Variants in DNASE1 observed in about 807,000 individuals in gnomAD.
DNASE1 encodes deoxyribonuclease 1, also known as deoxyribonuclease-1.
In DNASE1, 40 loss-of-function variants were observed where a neutral mutation model predicts 33.9. The ratio of observed to expected loss-of-function variants is 1.18; its 90% CI spans 0.92 to 1.54. DNASE1 has a LOEUF of 1.54. Ranked by LOEUF, DNASE1 falls within the 40% of genes most tolerant of loss-of-function variation. The pLI is 0.00. For missense variants in DNASE1, 518 were observed against 372.6 expected (o/e 1.39, Z -3.21); for synonymous variants, 216 against 160.0 (o/e 1.35, Z -2.64).
At chr16:3,646,042 C>T (rs1596618245) in intron 1 of DNASE1, among the ~76,000 whole-genome samples, 1 of 151,948 alleles carries the variant, frequency 6.6e-6, no homozygotes, top group East Asian at 1.9e-4. Context: ...GAAAGAACCC[C>T]GAGTAGAGCC....
upstream of DNASE1, chr16:3,654,232 CCTA>C (rs1429754943): frequency 2.5e-6 from 1 of 397,568 alleles, no homozygotes; most frequent in Non-Finnish European, 4.4e-6. Context: ...AAACACACAG[CCTA>C]TTGTCTACCT....
At chr16:3,643,199 C>T (rs977682148) in intron 1 of DNASE1, among the ~76,000 whole-genome samples, 9 of 152,308 alleles carry the variant, frequency 5.9e-5, no homozygotes, top group Admixed American at 3.3e-4. Flanking sequence ...TCAGGGCTGC[C>T]GAGGCGGCTG....
Position 3,657,815 on chromosome 16 carries a change from T to A in DNASE1, c.800T>A (p.Leu267Gln). 1 of 1,613,874 alleles carries A rather than the reference T, an allele frequency of 6.2e-7. No homozygotes were observed. Among genetic ancestry groups the A allele is most frequent in the Non-Finnish European group, 8.5e-7 (1 of 1,179,906 alleles). ...GCTGCCTATGGCCTGAGTGACCAAC[T>A]GGTATGTGTCCTCCCTTGCACAGCC... ...FQAAYGLSDQ[L>Q]AQAISDHYPV... The change falls in exon 8 of 9, where the codon CTG becomes CAG. Residue 267 changes from leucine to glutamine, a missense_variant and splice_region_variant. Transcript: ENST00000246949.
chr16:3,650,611 AAAAAAAAAAG>A (rs1394019510), upstream of DNASE1: 3 of 147,728 alleles, frequency 2.0e-5, no homozygotes, highest in African/African-American at 7.6e-5. Flanking sequence ...TTCAAAAAAA[AAAAAAAAAAG>A]AAAAGAAAAA....
intron 1 of DNASE1, among the ~76,000 whole-genome samples, chr16:3,647,859 AT>A (rs200018796): frequency 1.1e-4 from 16 of 149,082 alleles, no homozygotes; most frequent in African/African-American, 2.0e-4. Context: ...AAAAAGAACA[AT>A]TTTTTTTTTT....
chr16:3,659,208 G>A, downstream of DNASE1: 1 of 220,180 alleles, frequency 4.5e-6, no homozygotes, highest in South Asian at 7.4e-5. Flanking sequence ...ACATATTATA[G>A]GGCTCTAGTA....
chr16:3,663,487 A>G, exon 10 of DNASE1: 1 of 1,614,174 alleles, frequency 6.2e-7, no homozygotes, highest in South Asian at 1.1e-5. Flanking sequence ...GTCTCCACAG[A>G]GATCAGCTTC....
intron 1 of DNASE1, among the ~76,000 whole-genome samples, chr16:3,629,120 C>G (rs1352150213): frequency 2.8e-5 from 4 of 141,948 alleles, no homozygotes; most frequent in Non-Finnish European, 3.0e-5. Flanking sequence ...TGCAGTGAGC[C>G]GAGATTGCGC....
At chr16:3,654,168 C>T (rs1596639868), upstream of DNASE1, 12 of 394,598 alleles carry the variant, frequency 3.0e-5, 1 homozygote, top group African/African-American at 6.2e-5. Context: ...TGAGGCCTGG[C>T]CTTTAGCTGC....
chr16:3,661,194 G>A (rs900162868), downstream of DNASE1: 2 of 152,052 alleles, frequency 1.3e-5, no homozygotes, highest in African/African-American at 4.8e-5. Context: ...GAGAATGTAA[G>A]GTACCAAAGG....
At position 3,655,870 on chromosome 16, in the gene DNASE1, G is replaced by T; in HGVS notation, c.169G>T (p.Ala57Ser). The T allele has an allele frequency of 6.2e-7, 1 of 1,613,514 alleles. No homozygotes were observed. Among genetic ancestry groups the T allele is most frequent in the Non-Finnish European group, 8.5e-7 (1 of 1,179,702 alleles). ...IVQILSRYDI[A>S]LVQEVRDSHL... ...CCAGATCCTGAGCCGCTATGACATCGCCCTGGTCCAGGAGGTCAGAGACAG... is the reference window on the plus strand; with the variant it reads ...CCAGATCCTGAGCCGCTATGACATCTCCCTGGTCCAGGAGGTCAGAGACAG... Residue 57 changes from alanine to serine, a missense_variant, in exon 3 of 9, where the codon GCC becomes TCC. Coordinates refer to ENST00000246949, the MANE Select transcript of DNASE1 (RefSeq NM_005223.4).
rs751192502 is a variant in DNASE1, at chr16:3,664,325, G to A, written c.*6372G>A. The stretch of plus-strand genomic sequence containing the variant: ...CATAGTAGGGTGAGTGCTCTGCCAG[G>A]TGACGGTTGGGGGCGCACAGGTAGT... On this transcript the variant is annotated 3_prime_UTR_variant, in exon 10 of 10. Transcript: ENST00000407479. The A allele has an allele frequency of 5.0e-6, 8 of 1,612,540 alleles. No individual in the cohort carries two copies. Among genetic ancestry groups the A allele is most frequent in the South Asian group, 1.1e-5 (1 of 90,790 alleles).
chr16:3,647,082 T>C (rs2042195137), intron 1 of DNASE1, among the ~76,000 whole-genome samples: 1 of 152,064 alleles, frequency 6.6e-6, no homozygotes, highest in African/African-American at 2.4e-5. Context: ...AGGGGAGTGT[T>C]TCCTAAGCAG....
exon 10 of DNASE1, chr16:3,664,096 G>A (rs1356299244): frequency 1.6e-6 from 1 of 631,322 alleles, no homozygotes; most frequent in Non-Finnish European, 2.5e-6. Context: ...AAAACCACAT[G>A]TGACCTCCAA....
intron 1 of DNASE1, 115 bp downstream of exon 1, chr16:3,655,159 C>T (rs1444461832): frequency 5.5e-5 from 35 of 637,460 alleles, no homozygotes; most frequent in East Asian, 2.7e-4. Flanking sequence ...CCCTCCCGGG[C>T]GGGTTTTCTG....
chr16:3,657,292 C>G lies in DNASE1; in HGVS notation c.655C>G (p.Pro219Ala). 6.2e-7 allele frequency: 1 copy of G among 1,613,916 alleles called. No individual in the cohort carries two copies. Among genetic ancestry groups the G allele is most frequent in the South Asian group, 1.1e-5 (1 of 91,092 alleles). Residue 219 changes from proline to alanine, a missense_variant, in exon 7 of 9, where the codon CCC becomes GCC. Coordinates refer to ENST00000246949, the MANE Select transcript of DNASE1 (RefSeq NM_005223.4). ...AAGCCCCACCTTCCAGTGGCTGATC[C>G]CCGACAGCGCTGACACCACAGCTAC... is the stretch of plus-strand genomic sequence containing the variant. ...WTSPTFQWLI[P>A]DSADTTATPT...
In DNASE1 at chr16:3,656,641, T is replaced by TGACAC; in HGVS notation, c.327_328insACGAC (p.Gln110ThrfsTer56). On this transcript the variant is annotated frameshift_variant, in exon 5 of 9. Coordinates refer to ENST00000246949, the MANE Select transcript of DNASE1 (RefSeq NM_005223.4). LOFTEE classifies it high-confidence loss of function. The stretch of plus-strand genomic sequence containing the variant: ...CTCCTGCCCGGCCTTCCCGCAGGCC[T>TGACAC]GACCAGGTGTCTGCGGTGGACAGCT... 6.2e-7 allele frequency: 1 copy of TGACAC among 1,610,528 alleles called. No individual in the cohort carries two copies.
upstream of DNASE1, among the ~76,000 whole-genome samples, chr16:3,638,236 C>T (rs753765702): frequency 2.6e-5 from 4 of 151,772 alleles, no homozygotes; most frequent in Admixed American, 6.6e-5. Context: ...ACATAATATG[C>T]TTTTTAGCTT....
At chr16:3,624,451 T>C (rs1350983561) in intron 1 of DNASE1, among the ~76,000 whole-genome samples, 2 of 152,144 alleles carry the variant, frequency 1.3e-5, no homozygotes, top group Non-Finnish European at 2.9e-5. Flanking sequence ...TAGCGTCCCT[T>C]ATGCCGAGCT....
Sources: gnomAD v4.1 joint callset for allele counts (sites outside exome capture counted in the v4.1 genomes callset) on GRCh38, gnomAD v4.1.1 for gene constraint, MANE v1.5 for transcripts, NCBI Gene and HGNC (gene_info 2026-07-23, HGNC 2026-07-21) for gene names.